The following CCDC85A variants were observed in gnomAD, a reference collection of about 807,000 sequenced individuals.
CCDC85A encodes coiled-coil domain containing 85A, also known as coiled-coil domain-containing protein 85A.
CCDC85A carries 38 observed loss-of-function variants against 50.2 expected under a neutral mutation model. That is an observed-to-expected ratio of 0.76 (90% CI 0.58 to 0.99). The LOEUF is 0.99. CCDC85A is among the 50% of genes least tolerant of loss of function. The probability of loss-of-function intolerance (pLI) is 0.00; values close to 1 mark genes in which losing one functional copy is unlikely to be tolerated. For synonymous variants in CCDC85A, 366 were observed against 301.4 expected, an observed-to-expected ratio of 1.21 and a Z score of -2.22; for missense variants, 820 against 742.0, an observed-to-expected ratio of 1.11 and a Z score of -1.22.
At chr2:56,289,383 G>A (rs918699828) in intron 2 of CCDC85A, among the ~76,000 whole-genome samples, 20 of 152,158 alleles carry the variant, frequency 1.3e-4, no homozygotes, top group African/African-American at 4.6e-4. Context: ...AACACTAGGG[G>A]ATGCAGTTAC....
At chr2:56,211,361 T>G (rs1677171421) in intron 2 of CCDC85A, among the ~76,000 whole-genome samples, 1 of 152,080 alleles carries the variant, frequency 6.6e-6, no homozygotes, top group Non-Finnish European at 1.5e-5. Context: ...ATTCATATAT[T>G]TATTTCTTTA....
At chr2:56,278,226 T>C (rs1671048211) in intron 2 of CCDC85A, among the ~76,000 whole-genome samples, 1 of 152,182 alleles carries the variant, frequency 6.6e-6, no homozygotes. Context: ...CCTCCCCTTT[T>C]TAATGAATAA....
At chr2:56,378,166 G>C (rs1193900772) in intron 5 of CCDC85A, among the ~76,000 whole-genome samples, 2 of 152,128 alleles carry the variant, frequency 1.3e-5, no homozygotes, top group African/African-American at 2.4e-5. Flanking sequence ...TTTTGTTTTT[G>C]AGAGCCAGCT....
chr2:56,269,108 C>T (rs866217567), intron 2 of CCDC85A, among the ~76,000 whole-genome samples: 1 of 152,076 alleles, frequency 6.6e-6, no homozygotes, highest in Non-Finnish European at 1.5e-5. Context: ...TAACGTAGGC[C>T]ACATTTATTT....
chr2:56,189,073 C>T (rs775135986), intron 1 of CCDC85A, among the ~76,000 whole-genome samples: 4 of 152,154 alleles, frequency 2.6e-5, no homozygotes, highest in Non-Finnish European at 5.9e-5. Context: ...GGAAACTTCT[C>T]AGAGGAATCT....
chr2:56,185,454 T>C (rs1675979452), intron 1 of CCDC85A, among the ~76,000 whole-genome samples: 1 of 152,176 alleles, frequency 6.6e-6, no homozygotes, highest in East Asian at 1.9e-4. Flanking sequence ...GTTCAAGCTC[T>C]GCCTTCACGT....
chr2:56,278,172 AGTG>A (rs1292451427), intron 2 of CCDC85A, among the ~76,000 whole-genome samples: 1 of 152,036 alleles, frequency 6.6e-6, no homozygotes, highest in Non-Finnish European at 1.5e-5. Flanking sequence ...CCCATGCCAG[AGTG>A]TCTGGATCCT....
intron 5 of CCDC85A, among the ~76,000 whole-genome samples, chr2:56,378,986 T>A (rs1388050137): frequency 6.6e-6 from 1 of 152,186 alleles, no homozygotes; most frequent in African/African-American, 2.4e-5. Context: ...CCTTTTGTAG[T>A]ATAAAAAGGT....
At chr2:56,351,296 G>C (rs189756340) in intron 3 of CCDC85A, among the ~76,000 whole-genome samples, 32 of 151,826 alleles carry the variant, frequency 2.1e-4, no homozygotes, top group Admixed American at 7.2e-4. Context: ...ATTGTGAATA[G>C]TGCCGCAATA....
chr2:56,263,192 A>C (rs556108545), intron 2 of CCDC85A, among the ~76,000 whole-genome samples: 127 of 152,278 alleles, frequency 8.3e-4, no homozygotes, highest in African/African-American at 3.0e-3. Flanking sequence ...AGAGCCCAGC[A>C]CCCTTAGGAT....
chr2:56,227,571 A>T (rs564268819), intron 2 of CCDC85A, among the ~76,000 whole-genome samples: 1 of 152,214 alleles, frequency 6.6e-6, no homozygotes, highest in Admixed American at 6.5e-5. Flanking sequence ...TTCTCTGAAG[A>T]CTTGTCCAGT....
At chr2:56,380,124 T>C (rs1460280152) in intron 5 of CCDC85A, among the ~76,000 whole-genome samples, 1 of 152,174 alleles carries the variant, frequency 6.6e-6, no homozygotes, top group Non-Finnish European at 1.5e-5. Flanking sequence ...GTCTAAAATA[T>C]GTTTCTAATT....
In CCDC85A at chr2:56,361,901, G is replaced by A. The variant is rs1193577902; in HGVS notation, c.1318-10443G>A. Among the ~76,000 whole-genome samples the A allele has an allele frequency of 2.6e-5, 4 of 152,142 alleles. No individual in the cohort carries two copies. The East Asian group carries it at 7.7e-4, about 29-fold the overall frequency. On this transcript the variant is annotated intron_variant, in intron 3 of 5. Transcript: ENST00000407595. ...TGAAGAAGGTAGAGACAGGGAGAGG[G>A]GACATTGGTACACTCATTAGGGAGC... is the stretch of plus-strand genomic sequence containing the variant.
chr2:56,323,523 G>T (rs1194834534), intron 2 of CCDC85A, among the ~76,000 whole-genome samples: 11 of 152,026 alleles, frequency 7.2e-5, no homozygotes, highest in Admixed American at 7.2e-4. Flanking sequence ...CTGTGGGTTT[G>T]AGAAAGTTCC....
intron 2 of CCDC85A, among the ~76,000 whole-genome samples, chr2:56,261,750 C>A (rs952254058): frequency 1.3e-5 from 2 of 152,156 alleles, no homozygotes; most frequent in African/African-American, 4.8e-5. Context: ...GAGGGTGAGG[C>A]ACCATGGGCA....
At position 56,254,804 on chromosome 2, in the gene CCDC85A, A is replaced by G. The variant is rs183113037; in HGVS notation, c.1240+61364A>G. Among the ~76,000 whole-genome samples, 420 of 152,352 alleles carry G rather than the reference A, an allele frequency of 2.8e-3. 5 individuals carry two copies. Among genetic ancestry groups the G allele is most frequent in the African/African-American group, 9.8e-3 (407 of 41,590 alleles). On this transcript the variant is annotated intron_variant, in intron 2 of 5. Coordinates refer to ENST00000407595, the MANE Select transcript of CCDC85A (RefSeq NM_001080433.2). ...CTGAAGAAGTGATGATTAAGTTGAAAGAAGAATAGTATCACTTGGGCAAGA... is the reference window on the plus strand; with the variant it reads ...CTGAAGAAGTGATGATTAAGTTGAAGGAAGAATAGTATCACTTGGGCAAGA...
chr2:56,331,526 A>T (rs1407572056), intron 2 of CCDC85A, among the ~76,000 whole-genome samples: 1 of 152,200 alleles, frequency 6.6e-6, no homozygotes, highest in Admixed American at 6.5e-5. Flanking sequence ...GTACCTTTTA[A>T]ATTCATACAA....
intron 3 of CCDC85A, among the ~76,000 whole-genome samples, chr2:56,344,961 A>C (rs1398538728): frequency 6.6e-6 from 1 of 152,148 alleles, no homozygotes; most frequent in Non-Finnish European, 1.5e-5. Flanking sequence ...AAATGTGAAA[A>C]TGATGACAAG....
At chr2:56,202,703 C>T (rs1676795108) in intron 2 of CCDC85A, among the ~76,000 whole-genome samples, 1 of 152,220 alleles carries the variant, frequency 6.6e-6, no homozygotes, top group Non-Finnish European at 1.5e-5. Flanking sequence ...TTACATTCCT[C>T]TTTTGATGAC....
Sources: gnomAD v4.1 joint callset for allele counts (sites outside exome capture counted in the v4.1 genomes callset) on GRCh38, gnomAD v4.1.1 for gene constraint, MANE v1.5 for transcripts, NCBI Gene and HGNC (gene_info 2026-07-23, HGNC 2026-07-21) for gene names.